The following NRG1 variants were observed in gnomAD, a reference collection of about 807,000 sequenced individuals.
NRG1 encodes pro-neuregulin-1, membrane-bound isoform.
A neutral mutation model predicts 63.8 loss-of-function variants in NRG1; 18 were observed. That is an observed-to-expected ratio of 0.28 (90% CI 0.19 to 0.42). The LOEUF (loss-of-function observed/expected upper bound fraction) is 0.42, where lower values mean the gene tolerates loss of function less well. NRG1 is among the 10% of genes least tolerant of loss of function. NRG1 has a pLI of 1.00. For synonymous variants in NRG1, 302 were observed against 301.3 expected, an observed-to-expected ratio of 1.00 and a Z score of -0.02; for missense variants, 762 against 814.7, an observed-to-expected ratio of 0.94 and a Z score of 0.79.
intron 1 of NRG1, among the ~76,000 whole-genome samples, chr8:31,743,951 C>A (rs62506957): frequency 0.21 from 32,160 of 151,920 alleles, 3,881 homozygotes; most frequent in Middle Eastern, 0.27. Flanking sequence ...TGCTATGTCC[C>A]TAGCATTAAA....
chr8:32,009,759 CA>C (rs1383336331), intron 1 of NRG1, among the ~76,000 whole-genome samples: 1 of 151,930 alleles, frequency 6.6e-6, no homozygotes, highest in Non-Finnish European at 1.5e-5. Flanking sequence ...AATTCTTTTT[CA>C]GCTGATTATG....
At chr8:32,227,747 C>A (rs1474713660) in intron 1 of NRG1, among the ~76,000 whole-genome samples, 2 of 152,154 alleles carry the variant, frequency 1.3e-5, no homozygotes, top group African/African-American at 4.8e-5. Flanking sequence ...CATACTTAGA[C>A]CCTCTCCCTT....
intron 1 of NRG1, among the ~76,000 whole-genome samples, chr8:32,326,623 G>A (rs894888511): frequency 5.3e-5 from 8 of 151,808 alleles, no homozygotes; most frequent in Non-Finnish European, 8.8e-5. Context: ...GCCACCACGC[G>A]CAGCCAGCCA....
At chr8:32,208,022 A>G (rs1844256799) in intron 1 of NRG1, among the ~76,000 whole-genome samples, 1 of 152,206 alleles carries the variant, frequency 6.6e-6, no homozygotes. Flanking sequence ...AGGAAATGAG[A>G]CATGATTTTT....
At chr8:32,257,904 C>A (rs1849913079) in intron 1 of NRG1, among the ~76,000 whole-genome samples, 1 of 152,156 alleles carries the variant, frequency 6.6e-6, no homozygotes, top group South Asian at 2.1e-4. Context: ...AATTTTGGCA[C>A]CCTGTTTAAC....
intron 1 of NRG1, among the ~76,000 whole-genome samples, chr8:31,963,919 C>T (rs1805892044): frequency 6.6e-6 from 1 of 152,156 alleles, no homozygotes; most frequent in Non-Finnish European, 1.5e-5. Context: ...AGGCTGTTTT[C>T]TGTAGGCAAG....
At chr8:32,249,686 T>C (rs1848905704) in intron 1 of NRG1, among the ~76,000 whole-genome samples, 1 of 152,062 alleles carries the variant, frequency 6.6e-6, no homozygotes, top group Non-Finnish European at 1.5e-5. Context: ...GGAGTTAGAC[T>C]TATTCATAGT....
At chr8:31,699,604 A>G (rs1032930951) in intron 1 of NRG1, among the ~76,000 whole-genome samples, 21 of 152,302 alleles carry the variant, frequency 1.4e-4, no homozygotes, top group African/African-American at 5.1e-4. Context: ...CTTTCTGAGA[A>G]GAGGCTCCTG....
At chr8:32,372,266 G>A (rs936390915) in intron 1 of NRG1, among the ~76,000 whole-genome samples, 3 of 151,694 alleles carry the variant, frequency 2.0e-5, no homozygotes, top group South Asian at 2.1e-4. Context: ...CTGGGATTAC[G>A]GGTGTGACCC....
At chr8:31,776,859 G>A (rs528465050) in intron 1 of NRG1, among the ~76,000 whole-genome samples, 17 of 152,204 alleles carry the variant, frequency 1.1e-4, no homozygotes, top group African/African-American at 4.1e-4. Context: ...CCCTACAAAG[G>A]ACATGAACTC....
At chr8:31,927,100 A>T (rs1325555286) in intron 1 of NRG1, among the ~76,000 whole-genome samples, 1 of 152,288 alleles carries the variant, frequency 6.6e-6, no homozygotes, top group East Asian at 1.9e-4. Flanking sequence ...ATTTTATTCC[A>T]TATTAGCTCT....
chr8:31,799,136 A>G (rs1821511420), intron 1 of NRG1, among the ~76,000 whole-genome samples: 1 of 152,140 alleles, frequency 6.6e-6, no homozygotes, highest in African/African-American at 2.4e-5. Context: ...TACTTTAAAT[A>G]TAAAGATCTC....
At chr8:31,798,317 T>C (rs1821432930) in intron 1 of NRG1, among the ~76,000 whole-genome samples, 1 of 152,236 alleles carries the variant, frequency 6.6e-6, no homozygotes. Context: ...AATATCACTC[T>C]GTATACTATA....
chr8:31,849,104 G>A (rs946867175), intron 1 of NRG1, among the ~76,000 whole-genome samples: 3 of 152,152 alleles, frequency 2.0e-5, no homozygotes, highest in Non-Finnish European at 2.9e-5. Context: ...TTGAAGAGAG[G>A]GAACCAGTGA....
intron 1 of NRG1, among the ~76,000 whole-genome samples, chr8:31,894,414 A>C (rs899367813): frequency 6.6e-6 from 1 of 152,188 alleles, no homozygotes; most frequent in Admixed American, 6.5e-5. Flanking sequence ...TTTTAATAAT[A>C]TGTAAAAGTG....
At chr8:32,231,618 C>T (rs193111276) in intron 1 of NRG1, among the ~76,000 whole-genome samples, 71 of 152,022 alleles carry the variant, frequency 4.7e-4, no homozygotes, top group Non-Finnish European at 7.9e-4. Context: ...AGTTGTTTTT[C>T]AGCTGGGCAC....
chr8:31,986,385 T>C (rs922618201), intron 1 of NRG1, among the ~76,000 whole-genome samples: 1 of 152,082 alleles, frequency 6.6e-6, no homozygotes, highest in Non-Finnish European at 1.5e-5. Context: ...TTGCCTCATG[T>C]AGACTTTGAG....
At chr8:32,188,549 A>C (rs150433813) in intron 1 of NRG1, among the ~76,000 whole-genome samples, 1 of 152,332 alleles carries the variant, frequency 6.6e-6, no homozygotes, top group South Asian at 2.1e-4. Flanking sequence ...GCAGATAGGA[A>C]GATCATCCTG....
At chr8:32,338,549 T>A (rs1042253420) in intron 1 of NRG1, among the ~76,000 whole-genome samples, 4 of 152,088 alleles carry the variant, frequency 2.6e-5, no homozygotes, top group Non-Finnish European at 5.9e-5. Context: ...TGAGTCTCAG[T>A]GGGTTGTTTT....
Sources: allele counts gnomAD v4.1 joint callset (sites outside exome capture counted in the v4.1 genomes callset), GRCh38; gene constraint gnomAD v4.1.1; transcripts MANE v1.5; gene names NCBI Gene and HGNC (gene_info 2026-07-23, HGNC 2026-07-21).